LDLRAD3: variants seen among roughly 807,000 people sequenced by gnomAD.
LDLRAD3 encodes low-density lipoprotein receptor class A domain-containing protein 3.
In LDLRAD3, 20 loss-of-function variants were observed where a neutral mutation model predicts 29.4. That is an observed-to-expected ratio of 0.68 (90% CI 0.48 to 0.99). LDLRAD3 has a LOEUF of 0.99. Among genes scored for constraint, LDLRAD3 ranks in the 50% least tolerant of loss-of-function variants. The pLI is 0.00. For synonymous variants in LDLRAD3, 157 were observed against 192.7 expected (o/e 0.81, Z 1.53); for missense variants, 420 against 454.3 (o/e 0.92, Z 0.69).
intron 4 of LDLRAD3, among the ~76,000 whole-genome samples, chr11:36,183,158 G>A (rs1271647563): frequency 6.6e-6 from 1 of 152,220 alleles, no homozygotes; most frequent in Non-Finnish European, 1.5e-5. Flanking sequence ...GAGACCCAGA[G>A]AGCTTAAGTG....
At chr11:36,105,835 T>G (rs561989839) in intron 4 of LDLRAD3, among the ~76,000 whole-genome samples, 7 of 152,224 alleles carry the variant, frequency 4.6e-5, no homozygotes, top group South Asian at 4.2e-4. Context: ...AGCTGCCTAG[T>G]CTGTGGTACT....
chr11:36,007,052 G>A (rs1590201931), intron 1 of LDLRAD3, among the ~76,000 whole-genome samples: 1 of 152,284 alleles, frequency 6.6e-6, no homozygotes, highest in East Asian at 1.9e-4. Flanking sequence ...CAGTCTGTGG[G>A]GGAGAAAGTT....
At position 36,146,371 on chromosome 11, in the gene LDLRAD3, A is replaced by G. The variant is rs140491827; in HGVS notation, c.454+47910A>G. On this transcript the variant is annotated intron_variant, in intron 4 of 5. Coordinates refer to ENST00000315571, the MANE Select transcript of LDLRAD3 (RefSeq NM_174902.4). ...GTTTCTCATAACCTTTTCTCTCTTTATAGGAGTAATATACACCCATTGTCC... is the reference window on the plus strand; with the variant it reads ...GTTTCTCATAACCTTTTCTCTCTTTGTAGGAGTAATATACACCCATTGTCC... Among the ~76,000 whole-genome samples the G allele has an allele frequency of 2.2e-4, 33 of 152,362 alleles. No individual in the cohort carries two copies. In the East Asian group the frequency reaches 5.8e-3, roughly 27 times the overall value.
chr11:36,181,788 AC>A (rs1331501341), intron 4 of LDLRAD3, among the ~76,000 whole-genome samples: 1 of 152,196 alleles, frequency 6.6e-6, no homozygotes, highest in Non-Finnish European at 1.5e-5. Context: ...TGGTTGGATA[AC>A]ATTTTGAAAA....
chr11:36,017,578 G>C (rs1237436404), intron 1 of LDLRAD3, among the ~76,000 whole-genome samples: 1 of 150,690 alleles, frequency 6.6e-6, no homozygotes, highest in Admixed American at 6.6e-5. Flanking sequence ...CTCCAGGCTG[G>C]AGTGCATTGG....
intron 4 of LDLRAD3, among the ~76,000 whole-genome samples, chr11:36,132,074 C>T (rs543147262): frequency 1.3e-5 from 2 of 150,526 alleles, no homozygotes; most frequent in South Asian, 4.2e-4. Flanking sequence ...TTTTTTCCAG[C>T]TCTGATCCCT....
chr11:36,103,540 A>C (rs12422165), intron 4 of LDLRAD3, among the ~76,000 whole-genome samples: 29,355 of 152,138 alleles, frequency 0.19, 3,386 homozygotes, highest in East Asian at 0.34. Flanking sequence ...TGCCTGGCCC[A>C]GTATTTAATC....
chr11:36,165,068 G>T (rs531706895), intron 4 of LDLRAD3, among the ~76,000 whole-genome samples: 1 of 152,162 alleles, frequency 6.6e-6, no homozygotes, highest in Admixed American at 6.5e-5. Flanking sequence ...AGCAGTTGGC[G>T]TATTTCCTCC....
intron 1 of LDLRAD3, among the ~76,000 whole-genome samples, chr11:36,004,413 A>G (rs971294190): frequency 5.3e-5 from 8 of 152,182 alleles, no homozygotes; most frequent in African/African-American, 1.9e-4. Flanking sequence ...CTTTGACTCC[A>G]TGTCTCACAT....
chr11:35,963,433 G>GTGT (rs1554952071), intron 1 of LDLRAD3, among the ~76,000 whole-genome samples: 6 of 144,382 alleles, frequency 4.2e-5, no homozygotes, highest in Non-Finnish European at 7.6e-5. Flanking sequence ...GTGTGTGTGT[G>GTGT]TTTTTTTTTT....
intron 4 of LDLRAD3, among the ~76,000 whole-genome samples, chr11:36,112,453 T>A (rs1853619125): frequency 6.6e-6 from 1 of 152,186 alleles, no homozygotes; most frequent in Non-Finnish European, 1.5e-5. Context: ...GGACTTAATG[T>A]ATGTTAAATT....
chr11:36,227,385 A>T lies in LDLRAD3; in HGVS notation c.755A>T (p.Glu252Val). 1 of 1,609,148 alleles carries T rather than the reference A, an allele frequency of 6.2e-7. No homozygotes were observed. The highest frequency in any genetic ancestry group is 8.5e-7 in the Non-Finnish European group (1 of 1,177,592). The change falls in exon 5 of 6, where the codon GAA (glutamate) becomes GTA (valine). Residue 252 changes from glutamate to valine, a missense_variant. Coordinates refer to ENST00000315571, the MANE Select transcript of LDLRAD3 (RefSeq NM_174902.4). ...VASQAEQNAS[E>V]VGSPPSYSEA... ...AGCCAGGCGGAGCAGAATGCGTCGG[A>T]AGTAGGCTCCCCACCCTCCTACTCC...
At chr11:35,998,227 A>G (rs548018091) in intron 1 of LDLRAD3, among the ~76,000 whole-genome samples, 2 of 152,316 alleles carry the variant, frequency 1.3e-5, no homozygotes, top group South Asian at 4.1e-4. Flanking sequence ...TCCTAGTCAT[A>G]TGCTTTCAAT....
chr11:35,944,948 A>T lies in LDLRAD3; in HGVS notation c.46+804A>T, dbSNP rs972656870. On this transcript the variant is annotated intron_variant, in intron 1 of 5. Coordinates refer to ENST00000315571, the MANE Select transcript of LDLRAD3 (RefSeq NM_174902.4). The surrounding 1 kb of genome is among the most constrained non-coding windows in gnomAD (Gnocchi z 4.9). ...TCCAGACAGCGTGCTGTTCCCAGGA[A>T]CTTTTCTGCTGATGTGGGCATGATC... Among the ~76,000 whole-genome samples, 2 of 152,292 alleles carry T rather than the reference A, an allele frequency of 1.3e-5. No homozygotes were observed. Among genetic ancestry groups the T allele is most frequent in the Non-Finnish European group, 2.9e-5 (2 of 68,014 alleles).
intron 2 of LDLRAD3, among the ~76,000 whole-genome samples, chr11:36,040,292 C>G (rs262446): frequency 0.63 from 95,195 of 151,512 alleles, 31,372 homozygotes; most frequent in Middle Eastern, 0.79. Flanking sequence ...TTTTACCAGA[C>G]AGGAAGATTT....
chr11:36,050,645 C>G (rs1852513540), intron 2 of LDLRAD3, among the ~76,000 whole-genome samples: 1 of 152,214 alleles, frequency 6.6e-6, no homozygotes, highest in Non-Finnish European at 1.5e-5. Context: ...CTGCTGCATC[C>G]TCTCTATTTT....
intron 1 of LDLRAD3, among the ~76,000 whole-genome samples, chr11:36,028,152 G>A (rs746653292): frequency 9.2e-5 from 14 of 152,204 alleles, no homozygotes; most frequent in South Asian, 2.1e-4. Flanking sequence ...TGCATATTGC[G>A]TGGCAGATTA....
intron 4 of LDLRAD3, among the ~76,000 whole-genome samples, chr11:36,136,504 T>A (rs1487078120): frequency 6.6e-6 from 1 of 152,046 alleles, no homozygotes; most frequent in Admixed American, 6.6e-5. Flanking sequence ...TCTCTTGAGA[T>A]ATGGTTGTTT....
Position 36,011,406 on chromosome 11 carries a change from A to T in LDLRAD3, c.47-24697A>T, listed in dbSNP as rs150780423. ...CTATTAAATATAAATATCTTGTTCCATGGCCCCAATCAGTGAAAAATGTCA... is the reference window on the plus strand; with the variant it reads ...CTATTAAATATAAATATCTTGTTCCTTGGCCCCAATCAGTGAAAAATGTCA... On this transcript the variant is annotated intron_variant, in intron 1 of 5. Coordinates refer to ENST00000315571, the MANE Select transcript of LDLRAD3 (RefSeq NM_174902.4). 1.3e-4 allele frequency among the ~76,000 whole-genome samples: 20 copies of T among 152,304 alleles called. No individual in the cohort carries two copies. In the East Asian group the frequency reaches 3.9e-3, roughly 29 times the overall value.
Sources: gnomAD v4.1 joint callset for allele counts (sites outside exome capture counted in the v4.1 genomes callset) on GRCh38, gnomAD v4.1.1 for gene constraint, Gnocchi (gnomAD v3.1) non-coding constraint, MANE v1.5 for transcripts, NCBI Gene and HGNC (gene_info 2026-07-23, HGNC 2026-07-21) for gene names.